SLC4A4: variants seen among roughly 807,000 people sequenced by gnomAD.
The protein encoded by SLC4A4 is electrogenic sodium bicarbonate cotransporter 1.
Under a neutral mutation model 111.5 loss-of-function variants are expected in SLC4A4, and 27 were observed. The ratio of observed to expected loss-of-function variants is 0.24; its 90% CI spans 0.18 to 0.33. SLC4A4 has a LOEUF of 0.33. Ranked by LOEUF, SLC4A4 falls within the 10% of genes least tolerant of loss-of-function variation. The pLI is 1.00. For synonymous variants in SLC4A4, 443 were observed against 463.4 expected, an observed-to-expected ratio of 0.96 and a Z score of 0.57; for missense variants, 909 against 1,315.5, an observed-to-expected ratio of 0.69 and a Z score of 4.78.
chr4:71,348,313 T>TCACACACACACACA lies in SLC4A4; in HGVS notation c.390-1571_390-1558dup, dbSNP rs35326504. 2.4e-4 allele frequency among the ~76,000 whole-genome samples: 34 copies of TCACACACACACACA among 143,844 alleles called. No homozygotes were observed. The South Asian group carries it at 2.6e-3, about 11-fold the overall frequency. The allele number at this position is 143,844 out of a possible 152,430, so 94.4% of individuals were successfully genotyped here. ...TCAAAGTGAAGAAATACTAATTTAG[T>TCACACACACACACA]CACACACACACACACACACACACAC... On this transcript the variant is annotated intron_variant, in intron 4 of 25. Coordinates refer to ENST00000264485, the MANE Select transcript of SLC4A4 (RefSeq NM_001098484.3).
At chr4:71,454,241 G>A (rs911027187) in intron 12 of SLC4A4, among the ~76,000 whole-genome samples, 4 of 152,120 alleles carry the variant, frequency 2.6e-5, no homozygotes, top group South Asian at 4.1e-4. Flanking sequence ...ATGATTAATT[G>A]TAACCACAAT....
At chr4:71,458,494 T>A (rs1726500989) in intron 12 of SLC4A4, among the ~76,000 whole-genome samples, 1 of 152,070 alleles carries the variant, frequency 6.6e-6, no homozygotes, top group Admixed American at 6.6e-5. Flanking sequence ...TAATCCTATT[T>A]TCACAAACCT....
chr4:71,251,159 C>A (rs966191523), intron 2 of SLC4A4, among the ~76,000 whole-genome samples: 1 of 152,174 alleles, frequency 6.6e-6, no homozygotes, highest in Non-Finnish European at 1.5e-5. Context: ...ATCTAAAACC[C>A]TTTTCTGGCT....
rs72650342 is a variant in SLC4A4 at position 71,401,420 on chromosome 4, C to T, written c.807+3767C>T. The stretch of plus-strand genomic sequence containing the variant: ...TTATATTTATTAAGCAGAAAAACAC[C>T]TGTGGAGAAGTAGATTTAAAAAATA... On this transcript the variant is annotated intron_variant, in intron 7 of 25. Coordinates refer to ENST00000264485, the MANE Select transcript of SLC4A4 (RefSeq NM_001098484.3). Among the ~76,000 whole-genome samples the T allele has an allele frequency of 2.6e-3, 389 of 152,220 alleles. 1 individual carries two copies. Among genetic ancestry groups the T allele is most frequent in the Admixed American group, 8.2e-3 (125 of 15,282 alleles).
At chr4:71,164,391 A>G (rs971219347) in intron 2 of SLC4A4, among the ~76,000 whole-genome samples, 3 of 152,010 alleles carry the variant, frequency 2.0e-5, no homozygotes, top group African/African-American at 7.2e-5. Flanking sequence ...AAAAAAAAAA[A>G]AAAAAAGCAT....
intron 7 of SLC4A4, among the ~76,000 whole-genome samples, chr4:71,416,830 G>A (rs534439609): frequency 1.3e-5 from 2 of 152,244 alleles, no homozygotes; most frequent in Admixed American, 6.5e-5. Flanking sequence ...GGAATTCAGT[G>A]TACAGCTGTT....
intron 1 of SLC4A4, among the ~76,000 whole-genome samples, chr4:71,062,893 T>C (rs750539397): frequency 2.6e-5 from 4 of 152,222 alleles, no homozygotes; most frequent in Non-Finnish European, 5.9e-5. Context: ...GAGGAAGCGA[T>C]GAACCTTCTG....
At chr4:71,077,221 C>T (rs1030494487) in intron 1 of SLC4A4, among the ~76,000 whole-genome samples, 28 of 149,868 alleles carry the variant, frequency 1.9e-4, no homozygotes, top group Non-Finnish European at 3.0e-4. Context: ...AGTGCAGTGG[C>T]GAGATCTCAG....
chr4:71,138,987 G>T (rs1238080582), intron 2 of SLC4A4, among the ~76,000 whole-genome samples: 1 of 131,676 alleles, frequency 7.6e-6, no homozygotes, highest in Non-Finnish European at 1.5e-5. Context: ...AGTGAGCAGA[G>T]ATCGTGCCAC....
intron 1 of SLC4A4, among the ~76,000 whole-genome samples, chr4:71,196,276 G>C (rs1407005492): frequency 6.6e-6 from 1 of 152,176 alleles, no homozygotes; most frequent in Non-Finnish European, 1.5e-5. Flanking sequence ...GAAAATGGCA[G>C]AGCATTAACG....
chr4:71,449,837 A>G (rs938598300), intron 9 of SLC4A4, among the ~76,000 whole-genome samples: 1 of 152,248 alleles, frequency 6.6e-6, no homozygotes, highest in African/African-American at 2.4e-5. Context: ...TCTTGCTAAA[A>G]GATAGACAGA....
chr4:71,550,166 G>C (rs1196171145), intron 20 of SLC4A4, among the ~76,000 whole-genome samples: 1 of 151,936 alleles, frequency 6.6e-6, no homozygotes, highest in African/African-American at 2.4e-5. Flanking sequence ...TGTGGGAAAT[G>C]GAATTGTTTT....
intron 24 of SLC4A4, among the ~76,000 whole-genome samples, chr4:71,566,036 A>G (rs1205730563): frequency 6.6e-6 from 1 of 151,860 alleles, no homozygotes; most frequent in Non-Finnish European, 1.5e-5. Context: ...TAACACTGGG[A>G]AGGAATTACA....
intron 3 of SLC4A4, among the ~76,000 whole-genome samples, chr4:71,265,162 G>A (rs182736742): frequency 1.4e-4 from 22 of 152,226 alleles, no homozygotes; most frequent in Non-Finnish European, 2.6e-4. Context: ...TAAATTTGAG[G>A]ATGTTCTTTG....
At chr4:71,329,681 T>G (rs1727808963) in intron 3 of SLC4A4, among the ~76,000 whole-genome samples, 1 of 152,300 alleles carries the variant, frequency 6.6e-6, no homozygotes, top group South Asian at 2.1e-4. Context: ...GTCATGCAAC[T>G]TAACTGAATT....
Position 71,518,298 on chromosome 4 carries a change from G to T in SLC4A4, c.2167-13764G>T, listed in dbSNP as rs79010487. Reference sequence around the variant, plus strand: ...ACCACAGAGGCTGTCCTGAAACATGGGTCTGCTGAAGTGGGCCTGGATCCT... The same window carrying T: ...ACCACAGAGGCTGTCCTGAAACATGTGTCTGCTGAAGTGGGCCTGGATCCT... On this transcript the variant is annotated intron_variant, in intron 16 of 25. Coordinates refer to ENST00000264485, the MANE Select transcript of SLC4A4 (RefSeq NM_001098484.3). Among the ~76,000 whole-genome samples the T allele has an allele frequency of 1.2e-3, 176 of 152,268 alleles. No individual in the cohort carries two copies. The East Asian group carries it at 0.017, about 15-fold the overall frequency.
chr4:71,524,580 C>G (rs963176216), intron 16 of SLC4A4, among the ~76,000 whole-genome samples: 35 of 151,862 alleles, frequency 2.3e-4, no homozygotes, highest in Non-Finnish European at 5.9e-5. Flanking sequence ...TTATTAAATT[C>G]TGATTATAGT....
chr4:71,394,857 A>G (rs1438097621), intron 6 of SLC4A4, among the ~76,000 whole-genome samples: 6 of 152,154 alleles, frequency 3.9e-5, no homozygotes, highest in Non-Finnish European at 7.4e-5. Flanking sequence ...TCTCACTGAT[A>G]TGTGAGAGCT....
At chr4:71,205,349 G>T (rs962901701) in intron 1 of SLC4A4, among the ~76,000 whole-genome samples, 1 of 152,104 alleles carries the variant, frequency 6.6e-6, no homozygotes, top group African/African-American at 2.4e-5. Context: ...CTTTGCATAC[G>T]ATTAACATCT....
Sources: gnomAD v4.1 joint callset for allele counts (sites outside exome capture counted in the v4.1 genomes callset) on GRCh38, gnomAD v4.1.1 for gene constraint, MANE v1.5 for transcripts, NCBI Gene and HGNC (gene_info 2026-07-23, HGNC 2026-07-21) for gene names.